The following CCDC91 variants were observed in gnomAD, a reference collection of about 807,000 sequenced individuals.
CCDC91 encodes coiled-coil domain-containing protein 91.
Under a neutral mutation model 63.2 loss-of-function variants are expected in CCDC91, and 48 were observed. The observed-to-expected ratio is 0.76, with a 90% CI of 0.60 to 0.97. The LOEUF is 0.97. Ranked by LOEUF, CCDC91 falls within the 50% of genes least tolerant of loss-of-function variation. The probability of loss-of-function intolerance (pLI) is 0.00; values close to 1 mark genes in which losing one functional copy is unlikely to be tolerated. For missense variants in CCDC91, 500 were observed against 494.6 expected, an observed-to-expected ratio of 1.01 and a Z score of -0.10; for synonymous variants, 167 against 165.8, an observed-to-expected ratio of 1.01 and a Z score of -0.06.
At chr12:28,227,526 T>G (rs1002438303) in intron 1 of CCDC91, among the ~76,000 whole-genome samples, 3 of 151,996 alleles carry the variant, frequency 2.0e-5, no homozygotes, top group Non-Finnish European at 2.9e-5. Context: ...CGAACTCAAA[T>G]GTGTCCATAT....
rs142291690 is a variant in CCDC91, at chr12:28,339,902, A to G, written c.577-22536A>G. The stretch of plus-strand genomic sequence containing the variant: ...TTGTCTGTAAAACAAGGATAAACAC[A>G]GTACTTATCTGTAATAGTTATTGTG... On this transcript the variant is annotated intron_variant, in intron 6 of 12. Transcript: ENST00000536442. 5.0e-3 allele frequency among the ~76,000 whole-genome samples: 760 copies of G among 152,344 alleles called. 11 individuals are homozygous for G. Among genetic ancestry groups the G allele is most frequent in the Non-Finnish European group, 7.7e-3 (524 of 68,040 alleles).
At chr12:28,407,947 T>G (rs1375412597) in intron 8 of CCDC91, among the ~76,000 whole-genome samples, 1 of 45,094 alleles carries the variant, frequency 2.2e-5, no homozygotes, top group Non-Finnish European at 8.1e-5. Flanking sequence ...TACATAGATA[T>G]ATACATATAT....
rs568761432 is a variant in CCDC91 at position 28,340,772 on chromosome 12, A to C, written c.577-21666A>C. ...GAGGCTGCAGTGGGTGTGTGTTATC[A>C]TGTGCTCTTTTAGTTTAGCCATCTG... On this transcript the variant is annotated intron_variant, in intron 6 of 12. Coordinates refer to ENST00000536442, the MANE Select transcript of CCDC91 (RefSeq NM_018318.5). Among the ~76,000 whole-genome samples the C allele has an allele frequency of 3.3e-5, 5 of 152,268 alleles. No homozygotes were observed. The South Asian group carries it at 1.0e-3, about 32-fold the overall frequency.
chr12:28,217,884 C>A (rs1443472536), intron 1 of CCDC91, among the ~76,000 whole-genome samples: 1 of 152,098 alleles, frequency 6.6e-6, no homozygotes, highest in Non-Finnish European at 1.5e-5. Context: ...TGATAACTTT[C>A]ACTATCCGTG....
rs7962516 is a variant in CCDC91, at chr12:28,310,358, A to G, written c.576+2609A>G. The stretch of plus-strand genomic sequence containing the variant: ...TTGTTTTTACATTAATGACCAATAT[A>G]AATGCTATCTGGCATTATCATTGTT... On this transcript the variant is annotated intron_variant, in intron 6 of 12. Transcript: ENST00000536442. 8.4e-3 allele frequency among the ~76,000 whole-genome samples: 1,281 copies of G among 152,164 alleles called. 13 individuals are homozygous for G. The highest frequency in any genetic ancestry group is 0.03 in the African/African-American group (1,230 of 41,540).
At chr12:28,457,839 A>G (rs1950121910) in intron 11 of CCDC91, among the ~76,000 whole-genome samples, 1 of 152,074 alleles carries the variant, frequency 6.6e-6, no homozygotes, top group Admixed American at 6.6e-5. Context: ...GTCTTTGTTA[A>G]GTAAAGGAAA....
Position 28,291,410 on chromosome 12 carries a change from G to A in CCDC91, c.110-14239G>A, listed in dbSNP as rs148870566. On this transcript the variant is annotated intron_variant, in intron 3 of 12. Coordinates refer to ENST00000536442, the MANE Select transcript of CCDC91 (RefSeq NM_018318.5). Reference sequence around the variant, plus strand: ...CATGGACAAGAATTGGGCCCTTTCTGTTGACCAGTGCTGGCTGCAGGCATT... The same window carrying A: ...CATGGACAAGAATTGGGCCCTTTCTATTGACCAGTGCTGGCTGCAGGCATT... Among the ~76,000 whole-genome samples the A allele has an allele frequency of 1.4e-3, 220 of 152,304 alleles. 1 individual carries two copies. The highest frequency in any genetic ancestry group is 5.1e-3 in the African/African-American group (210 of 41,568).
intron 1 of CCDC91, among the ~76,000 whole-genome samples, chr12:28,223,850 T>G (rs1944103060): frequency 1.3e-5 from 2 of 152,206 alleles, no homozygotes; most frequent in African/African-American, 4.8e-5. Context: ...TTAAAAGAAG[T>G]AGGCTTTTAA....
chr12:28,435,287 A>G (rs867968087), intron 8 of CCDC91, among the ~76,000 whole-genome samples: 1 of 151,608 alleles, frequency 6.6e-6, no homozygotes, highest in Non-Finnish European at 1.5e-5. Flanking sequence ...ACCTCCCACA[A>G]ATTTTGATAA....
chr12:28,218,004 C>G (rs77985556), intron 1 of CCDC91, among the ~76,000 whole-genome samples: 1,755 of 152,216 alleles, frequency 0.012, 31 homozygotes, highest in African/African-American at 0.04. Context: ...CTGTCCCCTC[C>G]TGTTCCAGTC....
chr12:28,362,021 C>T (rs557326766), intron 6 of CCDC91, among the ~76,000 whole-genome samples: 47 of 152,144 alleles, frequency 3.1e-4, no homozygotes, highest in African/African-American at 1.1e-3. Flanking sequence ...CCTCTCCTGT[C>T]CTAGGTAGGT....
chr12:28,432,299 A>G (rs1948672007), intron 8 of CCDC91, among the ~76,000 whole-genome samples: 2 of 152,030 alleles, frequency 1.3e-5, no homozygotes. Context: ...CTCATCTCGA[A>G]TTGTAATTCT....
At chr12:28,308,106 T>A (rs1390728868) in intron 6 of CCDC91, among the ~76,000 whole-genome samples, 1 of 151,990 alleles carries the variant, frequency 6.6e-6, no homozygotes, top group African/African-American at 2.4e-5. Flanking sequence ...TTTAAATAAA[T>A]TGTCTCCTTT....
chr12:28,368,006 A>G (rs779495589), intron 7 of CCDC91, among the ~76,000 whole-genome samples: 6 of 152,186 alleles, frequency 3.9e-5, no homozygotes, highest in Non-Finnish European at 7.3e-5. Flanking sequence ...CCTTGTTTGC[A>G]GATTTTGAAC....
intron 8 of CCDC91, among the ~76,000 whole-genome samples, chr12:28,448,436 GGTTT>G (rs1431475363): frequency 1.3e-5 from 2 of 152,014 alleles, no homozygotes; most frequent in East Asian, 3.9e-4. Flanking sequence ...GTAAATTTCA[GGTTT>G]GTTCTTACAC....
At chr12:28,387,453 T>C (rs1945673550) in intron 7 of CCDC91, among the ~76,000 whole-genome samples, 1 of 152,196 alleles carries the variant, frequency 6.6e-6, no homozygotes, top group Non-Finnish European at 1.5e-5. Flanking sequence ...AGTAAGTTCT[T>C]TCGTGGTGAT....
chr12:28,521,097 A>C (rs1245959531), intron 12 of CCDC91, among the ~76,000 whole-genome samples: 2 of 152,106 alleles, frequency 1.3e-5, no homozygotes, highest in African/African-American at 4.8e-5. Flanking sequence ...AGTTTTTTCC[A>C]ATTCTGTGAA....
chr12:28,452,598 G>A lies in CCDC91; in HGVS notation c.1045G>A (p.Glu349Lys). 6.3e-7 allele frequency: 1 copy of A among 1,578,026 alleles called. No homozygotes were observed. Among genetic ancestry groups the A allele is most frequent in the Non-Finnish European group, 8.6e-7 (1 of 1,163,638 alleles). The change falls in exon 11 of 13, where the codon GAA becomes AAA. Residue 349 changes from glutamate to lysine, a missense_variant. Coordinates refer to ENST00000536442, the MANE Select transcript of CCDC91 (RefSeq NM_018318.5). ...LWKTEHAKDQ[E>K]KVSQEIQKAI... Reference sequence around the variant, plus strand: ...GAAGACAGAACATGCAAAAGATCAAGAAAAAGTATCTCAGGAAATTCAAAA... The same window carrying A: ...GAAGACAGAACATGCAAAAGATCAAAAAAAAGTATCTCAGGAAATTCAAAA...
intron 12 of CCDC91, among the ~76,000 whole-genome samples, chr12:28,485,516 C>T (rs1297882578): frequency 1.3e-5 from 2 of 151,904 alleles, no homozygotes; most frequent in Non-Finnish European, 2.9e-5. Flanking sequence ...AAAGAAAATC[C>T]CCATCTCTTG....
Sources: gnomAD v4.1 joint callset for allele counts (sites outside exome capture counted in the v4.1 genomes callset) on GRCh38, gnomAD v4.1.1 for gene constraint, MANE v1.5 for transcripts, NCBI Gene and HGNC (gene_info 2026-07-23, HGNC 2026-07-21) for gene names.